TNFRSF19: variants seen among roughly 807,000 people sequenced by gnomAD.
TNFRSF19 encodes TNF receptor superfamily member 19.
In TNFRSF19, 27 loss-of-function variants were observed where a neutral mutation model predicts 46.4. The ratio of observed to expected loss-of-function variants is 0.58; its 90% CI spans 0.43 to 0.80. The LOEUF is 0.80. Among genes scored for constraint, TNFRSF19 ranks in the 30% least tolerant of loss-of-function variants. TNFRSF19 has a pLI of 0.00. For missense variants in TNFRSF19, 511 were observed against 530.8 expected, an observed-to-expected ratio of 0.96 and a Z score of 0.37; for synonymous variants, 204 against 205.0, an observed-to-expected ratio of 1.00 and a Z score of 0.04.
chr13:23,571,747 GTTAT>G (rs1163943905), intron 1 of TNFRSF19, among the ~76,000 whole-genome samples: 2 of 151,876 alleles, frequency 1.3e-5, no homozygotes, highest in African/African-American at 4.8e-5. Flanking sequence ...AAAGTTAACT[GTTAT>G]TTTTTTGTCA....
At chr13:23,658,169 G>A (rs1884106361) in intron 5 of TNFRSF19, among the ~76,000 whole-genome samples, 2 of 151,992 alleles carry the variant, frequency 1.3e-5, no homozygotes, top group South Asian at 4.1e-4. Flanking sequence ...GTTTATCCTG[G>A]TACCCTCAGG....
intron 3 of TNFRSF19, among the ~76,000 whole-genome samples, chr13:23,615,066 A>G (rs1353301780): frequency 1.3e-5 from 2 of 152,332 alleles, no homozygotes; most frequent in South Asian, 2.1e-4. Flanking sequence ...CTAATTCTGT[A>G]TTAAAACTTA....
rs35509472 is a variant in TNFRSF19 at position 23,626,187 on chromosome 13, C to CTGTGTGTGTGTGTGTG, written c.360-499_360-484dup. On this transcript the variant is annotated intron_variant, in intron 4 of 9. Transcript: ENST00000248484. ...TTTGCCCTTCAGATTTCTTTAAAAT[C>CTGTGTGTGTGTGTGTG]TGTGTGTGTGTGTGTGTGTGTGTGT... Among the ~76,000 whole-genome samples, 328 of 145,554 alleles carry CTGTGTGTGTGTGTGTG rather than the reference C, an allele frequency of 2.3e-3. 4 individuals carry two copies. Among genetic ancestry groups the CTGTGTGTGTGTGTGTG allele is most frequent in the African/African-American group, 7.2e-3 (282 of 39,038 alleles).
chr13:23,651,126 A>G (rs1278054762), intron 5 of TNFRSF19, among the ~76,000 whole-genome samples: 2 of 152,204 alleles, frequency 1.3e-5, no homozygotes, highest in Non-Finnish European at 2.9e-5. Flanking sequence ...ATAATTTTTT[A>G]AAGAGCATGA....
intron 1 of TNFRSF19, among the ~76,000 whole-genome samples, chr13:23,582,817 T>C (rs1878549383): frequency 6.6e-6 from 1 of 152,236 alleles, no homozygotes; most frequent in African/African-American, 2.4e-5. Flanking sequence ...GTATAGTATG[T>C]CATTCTGGGA....
At chr13:23,649,254 T>C (rs1315872613) in intron 5 of TNFRSF19, among the ~76,000 whole-genome samples, 3 of 152,208 alleles carry the variant, frequency 2.0e-5, no homozygotes, top group Non-Finnish European at 1.5e-5. Context: ...TCTCTTCGGT[T>C]ATATAGATCA....
intron 3 of TNFRSF19, among the ~76,000 whole-genome samples, chr13:23,611,895 T>C (rs1880934636): frequency 6.6e-6 from 1 of 152,110 alleles, no homozygotes; most frequent in African/African-American, 2.4e-5. Flanking sequence ...ATACTCTCTA[T>C]TTGCTGATAT....
At chr13:23,639,111 G>A (rs1031422653) in intron 5 of TNFRSF19, among the ~76,000 whole-genome samples, 2 of 152,140 alleles carry the variant, frequency 1.3e-5, no homozygotes, top group African/African-American at 4.8e-5. Flanking sequence ...GAAATTTTAA[G>A]GCCAGGTGTG....
At chr13:23,581,132 C>CTTTTTCTTT (rs1555269394) in intron 1 of TNFRSF19, among the ~76,000 whole-genome samples, 1 of 143,666 alleles carries the variant, frequency 7.0e-6, no homozygotes, top group African/African-American at 2.6e-5. Context: ...TTTTTCTTTT[C>CTTTTTCTTT]TTTTTTTTTT....
chr13:23,581,862 G>A (rs1302589057), intron 1 of TNFRSF19, among the ~76,000 whole-genome samples: 1 of 152,122 alleles, frequency 6.6e-6, no homozygotes, highest in Non-Finnish European at 1.5e-5. Flanking sequence ...GGTGAAAAAA[G>A]CCAAAGCCCT....
intron 9 of TNFRSF19, 123 bp downstream of exon 9, chr13:23,669,220 T>C: frequency 6.9e-7 from 1 of 1,440,850 alleles, no homozygotes; most frequent in Non-Finnish European, 9.1e-7. Context: ...AATAATTTCT[T>C]GTATGTTGTA....
At chr13:23,667,120 GATAT>G (rs746299138) in intron 7 of TNFRSF19, among the ~76,000 whole-genome samples, 1 of 87,676 alleles carries the variant, frequency 1.1e-5, no homozygotes. Context: ...AAATCAGAGT[GATAT>G]ATATATATAT....
intron 5 of TNFRSF19, among the ~76,000 whole-genome samples, chr13:23,649,918 T>TTA (rs1593286520): frequency 1.3e-5 from 2 of 152,332 alleles, no homozygotes; most frequent in East Asian, 3.9e-4. Flanking sequence ...AAAAGCTACT[T>TTA]TGTATGATTT....
intron 3 of TNFRSF19, among the ~76,000 whole-genome samples, chr13:23,613,987 A>G (rs754277041): frequency 6.6e-6 from 1 of 152,214 alleles, no homozygotes; most frequent in Admixed American, 6.5e-5. Flanking sequence ...AAAACTTGAG[A>G]CCACCCCGTA....
At chr13:23,610,964 G>A (rs1566183003) in intron 3 of TNFRSF19, among the ~76,000 whole-genome samples, 2 of 152,060 alleles carry the variant, frequency 1.3e-5, no homozygotes, top group African/African-American at 4.8e-5. Context: ...ACAGACTACG[G>A]GGTATTTTAA....
At position 23,675,757 on chromosome 13, in the gene TNFRSF19, T is replaced by A. The variant is rs1218600152; in HGVS notation, c.*2377T>A. 6.6e-6 allele frequency: 1 copy of A among 152,218 alleles called. No individual in the cohort carries two copies. Among genetic ancestry groups the A allele is most frequent in the Non-Finnish European group, 1.5e-5 (1 of 68,030 alleles). The allele number at this position is 152,218 out of a possible 1,614,324, so 9.4% of individuals were successfully genotyped here. ...TGGGCATAACCACTGTGGCTTCTTGTGCTGCAGAAGCTCGTTGACAAGACT... is the reference window on the plus strand; with the variant it reads ...TGGGCATAACCACTGTGGCTTCTTGAGCTGCAGAAGCTCGTTGACAAGACT... On this transcript the variant is annotated 3_prime_UTR_variant, in exon 10 of 10. Coordinates refer to ENST00000248484, the MANE Select transcript of TNFRSF19 (RefSeq NM_148957.4).
chr13:23,661,020 G>A (rs889605663), intron 7 of TNFRSF19, among the ~76,000 whole-genome samples: 2 of 152,170 alleles, frequency 1.3e-5, no homozygotes, highest in Non-Finnish European at 2.9e-5. Context: ...TCTAACTTGG[G>A]CAAATAGGGG....
intron 4 of TNFRSF19, among the ~76,000 whole-genome samples, chr13:23,617,637 G>A (rs540558177): frequency 6.6e-5 from 10 of 152,326 alleles, no homozygotes; most frequent in African/African-American, 2.2e-4. Context: ...TCAGAAACCA[G>A]TCTGTATTGC....
Position 23,675,848 on chromosome 13 carries a change from T to C in TNFRSF19, c.*2468T>C, listed in dbSNP as rs937161678. 2 of 152,324 alleles carry C rather than the reference T, an allele frequency of 1.3e-5. No individual in the cohort carries two copies. Among genetic ancestry groups the C allele is most frequent in the South Asian group, 4.1e-4 (2 of 4,824 alleles). 9.4% of individuals were successfully genotyped at this position (152,324 alleles called of 1,614,324 possible). Reference sequence around the variant, plus strand: ...TCTAATTTTGTGTATATGGAATATATTTTTAAATAGAGATTTTTCTACTTT... The same window carrying C: ...TCTAATTTTGTGTATATGGAATATACTTTTAAATAGAGATTTTTCTACTTT... On this transcript the variant is annotated 3_prime_UTR_variant, in exon 10 of 10. Coordinates refer to ENST00000248484, the MANE Select transcript of TNFRSF19 (RefSeq NM_148957.4).
Sources: allele counts gnomAD v4.1 joint callset (sites outside exome capture counted in the v4.1 genomes callset), GRCh38; gene constraint gnomAD v4.1.1; transcripts MANE v1.5; gene names NCBI Gene and HGNC (gene_info 2026-07-23, HGNC 2026-07-21).